Variants in PCDH7 observed in about 807,000 individuals in gnomAD.
The protein encoded by PCDH7 is protocadherin 7.
PCDH7 carries 17 observed loss-of-function variants against 58.9 expected under a neutral mutation model. The ratio of observed to expected loss-of-function variants is 0.29; its 90% CI spans 0.20 to 0.43. The LOEUF (loss-of-function observed/expected upper bound fraction) is 0.43, where lower values mean the gene tolerates loss of function less well. Ranked by LOEUF, PCDH7 falls within the 20% of genes least tolerant of loss-of-function variation. The pLI, the probability that PCDH7 is intolerant of heterozygous loss-of-function variation, is 1.00. For synonymous variants in PCDH7, 664 were observed against 616.4 expected (o/e 1.08, Z -1.14); for missense variants, 1,274 against 1,441.0 (o/e 0.88, Z 1.88).
intron 3 of PCDH7, among the ~76,000 whole-genome samples, chr4:30,999,566 G>C (rs1752180798): frequency 6.6e-6 from 1 of 152,042 alleles, no homozygotes; most frequent in Admixed American, 6.6e-5. Context: ...AGATTATTCG[G>C]CAATATATCT....
chr4:30,915,261 T>A (rs927327999), intron 1 of PCDH7, among the ~76,000 whole-genome samples: 1 of 152,218 alleles, frequency 6.6e-6, no homozygotes, highest in Non-Finnish European at 1.5e-5. Context: ...TAGTAGTACA[T>A]TCCCACTTTC....
chr4:30,921,974 A>C (rs973010498), intron 2 of PCDH7, among the ~76,000 whole-genome samples: 1 of 151,718 alleles, frequency 6.6e-6, no homozygotes, highest in Non-Finnish European at 1.5e-5. Context: ...TTATGAGTTT[A>C]TGGGGATTCA....
intron 3 of PCDH7, among the ~76,000 whole-genome samples, chr4:31,062,596 T>C (rs1757777001): frequency 6.6e-6 from 1 of 151,764 alleles, no homozygotes; most frequent in African/African-American, 2.4e-5. Flanking sequence ...ATAAACTTAG[T>C]CTTCATGTTA....
chr4:30,829,779 TGTA>T (rs1331156148), intron 1 of PCDH7, among the ~76,000 whole-genome samples: 1 of 152,032 alleles, frequency 6.6e-6, no homozygotes, highest in Non-Finnish European at 1.5e-5. Flanking sequence ...GCTAATAAAA[TGTA>T]GGAAGCTTTA....
intron 2 of PCDH7, among the ~76,000 whole-genome samples, chr4:30,933,052 G>A (rs1434680406): frequency 6.7e-6 from 1 of 150,374 alleles, no homozygotes; most frequent in Non-Finnish European, 1.5e-5. Flanking sequence ...TTTTGAGACA[G>A]AGTCTTGCTC....
At chr4:30,726,437 C>T (rs1349967422) in intron 1 of PCDH7, among the ~76,000 whole-genome samples, 6 of 151,958 alleles carry the variant, frequency 3.9e-5, no homozygotes, top group Admixed American at 1.3e-4. Context: ...TATGCAAACA[C>T]TTCATATGTT....
chr4:31,133,285 T>C (rs1006429108), intron 3 of PCDH7, among the ~76,000 whole-genome samples: 1 of 152,214 alleles, frequency 6.6e-6, no homozygotes, highest in Non-Finnish European at 1.5e-5. Flanking sequence ...ATTTTGTGGG[T>C]ACATATTTGC....
intron 3 of PCDH7, among the ~76,000 whole-genome samples, chr4:31,140,166 G>A (rs975251171): frequency 6.6e-6 from 1 of 152,138 alleles, no homozygotes; most frequent in Non-Finnish European, 1.5e-5. Flanking sequence ...AAGTTAAAAA[G>A]TAAGAAGACT....
At chr4:30,834,354 G>C (rs546934918) in intron 1 of PCDH7, among the ~76,000 whole-genome samples, 51 of 152,152 alleles carry the variant, frequency 3.4e-4, no homozygotes, top group African/African-American at 1.2e-3. Context: ...TGCTCATCAC[G>C]ATAAAGCAAT....
intron 1 of PCDH7, among the ~76,000 whole-genome samples, chr4:30,820,753 T>C (rs1446474330): frequency 6.6e-6 from 1 of 152,116 alleles, no homozygotes; most frequent in Non-Finnish European, 1.5e-5. Flanking sequence ...AATATGAATA[T>C]TTTAATGTGT....
At chr4:30,818,880 G>C (rs1375208336) in intron 1 of PCDH7, among the ~76,000 whole-genome samples, 1 of 150,988 alleles carries the variant, frequency 6.6e-6, no homozygotes, top group African/African-American at 2.4e-5. Context: ...TCAAAAGAGA[G>C]GTTTTCAATC....
intron 1 of PCDH7, among the ~76,000 whole-genome samples, chr4:30,912,704 G>A (rs1741947409): frequency 6.6e-6 from 1 of 152,130 alleles, no homozygotes; most frequent in Non-Finnish European, 1.5e-5. Flanking sequence ...TTTAACCTGA[G>A]GTTCTTTCCA....
At chr4:30,996,593 T>C (rs1419213980) in intron 3 of PCDH7, among the ~76,000 whole-genome samples, 2 of 152,154 alleles carry the variant, frequency 1.3e-5, no homozygotes, top group Non-Finnish European at 2.9e-5. Flanking sequence ...AGTTGAAAAG[T>C]GGGTTCCTTC....
chr4:31,080,346 A>G (rs897389537), intron 3 of PCDH7, among the ~76,000 whole-genome samples: 7 of 152,118 alleles, frequency 4.6e-5, no homozygotes, highest in African/African-American at 4.8e-5. Context: ...ATTTTTAAAA[A>G]TAATAGTATG....
intron 1 of PCDH7, among the ~76,000 whole-genome samples, chr4:30,912,422 G>A (rs1212566403): frequency 6.6e-6 from 1 of 152,150 alleles, no homozygotes; most frequent in Non-Finnish European, 1.5e-5. Context: ...ATAATGCAAT[G>A]TTCTGCTCCA....
At chr4:30,918,320 T>C (rs528210105) in intron 1 of PCDH7, among the ~76,000 whole-genome samples, 22 of 152,064 alleles carry the variant, frequency 1.4e-4, no homozygotes, top group African/African-American at 5.3e-4. Context: ...CAGTCACAGG[T>C]GTGAGAAGTG....
intron 3 of PCDH7, among the ~76,000 whole-genome samples, chr4:31,088,071 G>T (rs181810761): frequency 1.3e-5 from 2 of 151,918 alleles, no homozygotes; most frequent in African/African-American, 4.8e-5. Context: ...AAATTGATTC[G>T]AAATTGGAAC....
chr4:30,971,527 C>T (rs13123857), intron 3 of PCDH7, among the ~76,000 whole-genome samples: 28,657 of 152,230 alleles, frequency 0.19, 3,404 homozygotes, highest in South Asian at 0.26. Flanking sequence ...CCATCTGCAT[C>T]AGAGTCACTC....
At chr4:31,108,424 T>C (rs1405050938) in intron 3 of PCDH7, among the ~76,000 whole-genome samples, 1 of 99,292 alleles carries the variant, frequency 1.0e-5, no homozygotes, top group Admixed American at 1.2e-4. Flanking sequence ...TTTCTAATTA[T>C]ACAGGAAAAA....
Sources: allele counts gnomAD v4.1 joint callset (sites outside exome capture counted in the v4.1 genomes callset), GRCh38; gene constraint gnomAD v4.1.1; transcripts MANE v1.5; gene names NCBI Gene and HGNC (gene_info 2026-07-23, HGNC 2026-07-21).